The following SLC27A5 variants were observed in gnomAD, a reference collection of about 807,000 sequenced individuals.
The protein encoded by SLC27A5 is long-chain fatty acid transport protein 5.
Under a neutral mutation model 63.1 loss-of-function variants are expected in SLC27A5, and 47 were observed. That is an observed-to-expected ratio of 0.74 (90% CI 0.59 to 0.95). SLC27A5 has a LOEUF of 0.95. SLC27A5 is among the 40% of genes least tolerant of loss of function. The probability of loss-of-function intolerance (pLI) is 0.00; values close to 1 mark genes in which losing one functional copy is unlikely to be tolerated. For missense variants in SLC27A5, 940 were observed against 921.0 expected (o/e 1.02, Z -0.27); for synonymous variants, 391 against 403.8 (o/e 0.97, Z 0.38).
intron 1 of SLC27A5, 160 bp downstream of exon 1, chr19:58,511,108 G>A: frequency 1.1e-6 from 1 of 947,562 alleles, no homozygotes. Context: ...ATTAAACTCT[G>A]ATGACCTGAG....
At chr19:58,510,665 G>T in intron 2 of SLC27A5, 56 bp downstream of exon 2, 1 of 1,421,958 alleles carries the variant, frequency 7.0e-7, no homozygotes, top group Non-Finnish European at 9.5e-7. Context: ...TCAAGTGTGG[G>T]GTCAGGTCAG....
intron 3 of SLC27A5, chr19:58,507,467 G>A (rs892820535): frequency 2.0e-5 from 3 of 152,086 alleles, no homozygotes; most frequent in Non-Finnish European, 2.9e-5. Context: ...GAGGATGTAC[G>A]TCACCTCAGG....
At chr19:58,511,091 TG>T in intron 1 of SLC27A5, 161 bp from the exon 2 acceptor site, 1 of 938,688 alleles carries the variant, frequency 1.1e-6, no homozygotes, top group Non-Finnish European at 1.5e-6. Context: ...GGTCAAATTG[TG>T]GGAAAATTAA....
intron 3 of SLC27A5, among the ~76,000 whole-genome samples, chr19:58,502,552 T>A (rs56120785): frequency 5.5e-5 from 4 of 72,806 alleles, no homozygotes; most frequent in Admixed American, 1.2e-4. Context: ...AGTGAGTGAG[T>A]GGATGGATGG....
chr19:58,499,290 C>A, intron 7 of SLC27A5, 70 bp from the exon 8 acceptor site: 4 of 1,501,344 alleles, frequency 2.7e-6, no homozygotes, highest in African/African-American at 1.4e-5. Context: ...TGCCCCCGCC[C>A]CGCCCCTTTT....
intron 3 of SLC27A5, among the ~76,000 whole-genome samples, chr19:58,506,616 G>A (rs949657876): frequency 5.3e-5 from 8 of 150,656 alleles, no homozygotes; most frequent in South Asian, 2.1e-4. Flanking sequence ...GATGCTGGGC[G>A]AAGATACATG....
At chr19:58,502,972 C>T (rs185146750) in intron 3 of SLC27A5, among the ~76,000 whole-genome samples, 44 of 151,434 alleles carry the variant, frequency 2.9e-4, no homozygotes, top group Admixed American at 2.4e-3. Context: ...TTAGGGAGGC[C>T]GAGGTGGGCG....
chr19:58,498,825 C>G lies in SLC27A5; in HGVS notation c.1856G>C (p.Trp619Ser), dbSNP rs2053238681. 22 of 1,613,996 alleles carry G rather than the reference C, an allele frequency of 1.4e-5. No homozygotes were observed. The highest frequency in any genetic ancestry group is 1.9e-5 in the Non-Finnish European group (22 of 1,180,014). The change falls in exon 9 of 10, where the codon TGG becomes TCG. Residue 619 changes from tryptophan to serine, a missense_variant. Physicochemically the swap from Trp to Ser is radical, Grantham distance 177. Coordinates refer to ENST00000263093, the MANE Select transcript of SLC27A5 (RefSeq NM_012254.3). ...GEKLYQHVRA[W>S]LPAYATPHFI... ...ATGGGGGGTAGCGTAGGCAGGGAGC[C>G]AAGCGCGAACGTGCTGGTACAACTT...
At chr19:58,501,159 C>G in intron 4 of SLC27A5, 127 bp downstream of exon 4, 2 of 1,325,942 alleles carry the variant, frequency 1.5e-6, no homozygotes, top group Non-Finnish European at 2.0e-6. Context: ...AACTCATTAT[C>G]TGGGGTTCTT....
chr19:58,510,812 A>T lies in SLC27A5; in HGVS notation c.807T>A (p.Asp269Glu), dbSNP rs763429895. Residue 269 changes from aspartate (D) to glutamate (E), a missense_variant, in exon 2 of 10, where the codon GAT (aspartate) becomes GAA (glutamate). Physicochemically the swap from Asp to Glu is conservative, Grantham distance 45. Coordinates refer to ENST00000263093, the MANE Select transcript of SLC27A5 (RefSeq NM_012254.3). ...CAGGCACTGGGTGGGAGGGCGCTGCATCCAGGGCAGCCCCCAGAGCCCCCA... is the reference window on the plus strand; with the variant it reads ...CAGGCACTGGGTGGGAGGGCGCTGCTTCCAGGGCAGCCCCCAGAGCCCCCA... ...PGVGALGAAL[D>E]AAPSHPVPAD... The T allele has an allele frequency of 1.2e-6, 2 of 1,613,614 alleles. No homozygotes were observed. Among genetic ancestry groups the T allele is most frequent in the East Asian group, 4.5e-5 (2 of 44,884 alleles).
intron 3 of SLC27A5, among the ~76,000 whole-genome samples, chr19:58,503,251 G>A (rs1476430642): frequency 6.6e-6 from 1 of 151,640 alleles, no homozygotes; most frequent in Non-Finnish European, 1.5e-5. Context: ...GTGTAAGGAT[G>A]GATAGATGGG....
intron 6 of SLC27A5, among the ~76,000 whole-genome samples, 163 bp downstream of exon 6, chr19:58,500,176 C>A (rs1469755471): frequency 2.0e-5 from 3 of 151,796 alleles, no homozygotes; most frequent in Non-Finnish European, 4.4e-5. Context: ...AGGCGGAGGC[C>A]CCAGATGGTG....
chr19:58,500,519 A>C lies in SLC27A5; in HGVS notation c.1370T>G (p.Leu457Arg). ...RCGALGKMSC[L>R]LRMLSPFELV... ...AGGTACCCGCACACTCACTCGGAGG[A>C]GGCAGCTCATCTTGCCCAGGGCCCC... is the stretch of plus-strand genomic sequence containing the variant. Residue 457 changes from leucine (L) to arginine (R), a missense_variant, in exon 5 of 10, where the codon CTC (leucine) becomes CGC (arginine). Transcript: ENST00000263093. The C allele has an allele frequency of 6.2e-7, 1 of 1,613,942 alleles. No individual in the cohort carries two copies. Among genetic ancestry groups the C allele is most frequent in the Non-Finnish European group, 8.5e-7 (1 of 1,179,964 alleles).
intron 3 of SLC27A5, chr19:58,509,321 G>A (rs533437478): frequency 6.6e-6 from 1 of 151,752 alleles, no homozygotes; most frequent in East Asian, 1.9e-4. Flanking sequence ...AGGAGGCAGA[G>A]GTTGCAGTGA....
rs1007966560 is a variant in SLC27A5 at position 58,499,611 on chromosome 19, T to G, written c.1548A>C (p.Glu516Asp). Residue 516 changes from glutamate to aspartate, a missense_variant, in exon 7 of 10, where the codon GAA becomes GAC. Physicochemically the swap from Glu to Asp is conservative, Grantham distance 45. Coordinates refer to ENST00000263093, the MANE Select transcript of SLC27A5 (RefSeq NM_012254.3). ...GCCGCACGTTGCGCACCAGCTTCCGTTCCGACAGCTCTCGGGGGCCGCGGT... is the reference window on the plus strand; with the variant it reads ...GCCGCACGTTGCGCACCAGCTTCCGGTCCGACAGCTCTCGGGGGCCGCGGT... ...VGYRGPRELS[E>D]RKLVRNVRQS... 8 of 1,612,930 alleles carry G rather than the reference T, an allele frequency of 5.0e-6. No individual in the cohort carries two copies. The highest frequency in any genetic ancestry group is 5.9e-6 in the Non-Finnish European group (7 of 1,179,970).
chr19:58,511,599 G>A lies in SLC27A5; in HGVS notation c.357C>T (p.Ala119=). The A allele has an allele frequency of 6.3e-7, 1 of 1,588,850 alleles. No individual in the cohort carries two copies. The highest frequency in any genetic ancestry group is 8.6e-7 in the Non-Finnish European group (1 of 1,165,276). Residue 119 remains alanine, a synonymous_variant, in exon 1 of 10, where the codon GCC becomes GCT. Coordinates refer to ENST00000263093, the MANE Select transcript of SLC27A5 (RefSeq NM_012254.3). ...GCTGCGCTCGTGCTCGCCGCTCGAA[G>A]GCATCTACAAAGGTGTCAGGCGGCT... ...SRQPPDTFVD[A]FERRARAQPG...
At chr19:58,505,423 G>A (rs35983901) in intron 3 of SLC27A5, among the ~76,000 whole-genome samples, 26,179 of 149,338 alleles carry the variant, frequency 0.18, 2,361 homozygotes, top group Middle Eastern at 0.22. Flanking sequence ...AGGTAGAGAC[G>A]GATTTTGCCA....
intron 3 of SLC27A5, 121 bp from the exon 4 acceptor site, chr19:58,501,531 C>T: frequency 8.9e-7 from 1 of 1,118,400 alleles, no homozygotes. Context: ...CTGAGTTCAT[C>T]TTTGTGTCCT....
Position 58,505,881 on chromosome 19 carries a change from G to A in SLC27A5, c.1057+3966C>T, listed in dbSNP as rs574378874. ...AAAAAAAAAACATTTGGCCGGGCACGGTAGTTCACACCTGTAATCCCAGCA... is the reference window on the plus strand; with the variant it reads ...AAAAAAAAAACATTTGGCCGGGCACAGTAGTTCACACCTGTAATCCCAGCA... On this transcript the variant is annotated intron_variant, in intron 3 of 9. Transcript: ENST00000263093. 8.7e-5 allele frequency among the ~76,000 whole-genome samples: 13 copies of A among 149,392 alleles called. No homozygotes were observed. The East Asian group carries it at 1.0e-3, about 12-fold the overall frequency.
Sources: gnomAD v4.1 joint callset for allele counts (sites outside exome capture counted in the v4.1 genomes callset) on GRCh38, gnomAD v4.1.1 for gene constraint, MANE v1.5 for transcripts, NCBI Gene and HGNC (gene_info 2026-07-23, HGNC 2026-07-21) for gene names.